Variants in BSDC1 observed in about 807,000 individuals in gnomAD.
BSDC1 encodes BSD domain containing 1, also known as BSD domain-containing protein 1.
Under a neutral mutation model 56.0 loss-of-function variants are expected in BSDC1, and 29 were observed. That is an observed-to-expected ratio of 0.52 (90% CI 0.39 to 0.71). The LOEUF (loss-of-function observed/expected upper bound fraction) is 0.71. Ranked by LOEUF, BSDC1 falls within the 30% of genes least tolerant of loss-of-function variation. The pLI, the probability that BSDC1 is intolerant of heterozygous loss-of-function variation, is 0.00. For synonymous variants in BSDC1, 210 were observed against 215.3 expected (o/e 0.98, Z 0.21); for missense variants, 477 against 548.5 (o/e 0.87, Z 1.30).
chr1:32,377,868 C>A, intron 8 of BSDC1, 102 bp downstream of exon 8: 1 of 1,146,666 alleles, frequency 8.7e-7, no homozygotes, highest in East Asian at 2.4e-5. Context: ...CCTACTCTTC[C>A]CTGATGGGCA....
intron 5 of BSDC1, among the ~76,000 whole-genome samples, chr1:32,380,595 G>A (rs1358166604): frequency 6.6e-6 from 1 of 152,118 alleles, no homozygotes; most frequent in Non-Finnish European, 1.5e-5. Flanking sequence ...GCAGTGAGCC[G>A]AGATCGCGCC....
chr1:32,384,022 G>C, intron 3 of BSDC1, 25 bp from the exon 4 acceptor site: 2 of 1,612,920 alleles, frequency 1.2e-6, no homozygotes, highest in Non-Finnish European at 8.5e-7. Context: ...GGCAGAGGAA[G>C]CAAGCGCCCC....
At chr1:32,369,625 G>C (rs1284150615) in intron 9 of BSDC1, among the ~76,000 whole-genome samples, 1 of 152,150 alleles carries the variant, frequency 6.6e-6, no homozygotes, top group Non-Finnish European at 1.5e-5. Context: ...TCCCAACTTA[G>C]GGCTTTTGCA....
chr1:32,376,222 G>T, intron 9 of BSDC1, 40 bp downstream of exon 9: 1 of 1,425,038 alleles, frequency 7.0e-7, no homozygotes, highest in South Asian at 1.8e-5. Flanking sequence ...AGGTGGCCCT[G>T]ACCGCACACA....
intron 9 of BSDC1, among the ~76,000 whole-genome samples, chr1:32,369,909 C>T (rs963111389): frequency 3.3e-5 from 5 of 152,236 alleles, no homozygotes; most frequent in Non-Finnish European, 7.3e-5. Flanking sequence ...TCTCTTGCCT[C>T]AGCCTCCTGA....
intron 4 of BSDC1, 73 bp downstream of exon 4, chr1:32,383,757 G>T (rs1354653758): frequency 6.9e-7 from 1 of 1,446,728 alleles, no homozygotes; most frequent in Non-Finnish European, 9.6e-7. Context: ...GGCTGCTTTT[G>T]TGAGTACAGG....
intron 2 of BSDC1, among the ~76,000 whole-genome samples, chr1:32,393,275 T>C (rs1028537580): frequency 3.3e-5 from 5 of 152,196 alleles, no homozygotes; most frequent in African/African-American, 1.2e-4. Flanking sequence ...CAGCCAAATA[T>C]CACTCATCCC....
intron 8 of BSDC1, among the ~76,000 whole-genome samples, chr1:32,377,607 A>G (rs1462992506): frequency 1.3e-5 from 2 of 152,222 alleles, no homozygotes; most frequent in Non-Finnish European, 1.5e-5. Flanking sequence ...CCTGGGCATT[A>G]ATATTACCAG....
intron 10 of BSDC1, chr1:32,367,711 G>GAGAGGTAGTGAAGAA (rs1641903402): frequency 2.0e-6 from 2 of 978,516 alleles, no homozygotes; most frequent in Admixed American, 1.2e-4. Context: ...AAGAATAACA[G>GAGAGGTAGTGAAGAA]TACTAAGGCC....
chr1:32,390,836 AG>A (rs1642842281), intron 2 of BSDC1, among the ~76,000 whole-genome samples: 1 of 152,112 alleles, frequency 6.6e-6, no homozygotes, highest in Non-Finnish European at 1.5e-5. Context: ...GCTTGAATCC[AG>A]GAAGTGGAGG....
chr1:32,393,940 T>TA (rs758746559), intron 2 of BSDC1, 140 bp downstream of exon 2: 23 of 724,328 alleles, frequency 3.2e-5, no homozygotes, highest in Admixed American at 8.0e-5. Context: ...CGTGGACCGG[T>TA]AGAGGCTAAA....
intron 9 of BSDC1, 137 bp from the exon 10 acceptor site, chr1:32,368,687 C>A: frequency 7.9e-7 from 1 of 1,260,660 alleles, no homozygotes; most frequent in Non-Finnish European, 1.1e-6. Context: ...TTCACTCTGG[C>A]GCACCAATCG....
chr1:32,368,770 C>T (rs935869309), intron 9 of BSDC1, among the ~76,000 whole-genome samples: 2 of 152,054 alleles, frequency 1.3e-5, no homozygotes, highest in Non-Finnish European at 2.9e-5. Flanking sequence ...GTGATCCCGG[C>T]CCACTGCAAC....
At chr1:32,376,770 G>A (rs1156693491) in intron 8 of BSDC1, 29 bp from the exon 9 acceptor site, 2 of 1,339,036 alleles carry the variant, frequency 1.5e-6, no homozygotes, top group African/African-American at 1.5e-5. Context: ...AGGGGCAAGA[G>A]GGAAATGTAA....
intron 3 of BSDC1, 41 bp from the exon 4 acceptor site, chr1:32,384,038 C>G (rs770626566): frequency 1.9e-6 from 3 of 1,612,370 alleles, no homozygotes; most frequent in Non-Finnish European, 1.7e-6. Context: ...GCCCCGGGAA[C>G]AGGCTGCAAT....
intron 2 of BSDC1, 54 bp from the exon 3 acceptor site, chr1:32,386,949 T>G: frequency 7.1e-7 from 1 of 1,401,538 alleles, no homozygotes; most frequent in Middle Eastern, 2.5e-4. Flanking sequence ...CACCCCTTGT[T>G]CCTGTTCCCT....
chr1:32,375,351 C>A (rs1369578134), intron 9 of BSDC1, among the ~76,000 whole-genome samples: 1 of 151,176 alleles, frequency 6.6e-6, no homozygotes, highest in East Asian at 1.9e-4. Flanking sequence ...ACCTGCTGGG[C>A]AAGCTTTGTG....
At chr1:32,384,406 T>A (rs1051114922) in intron 3 of BSDC1, among the ~76,000 whole-genome samples, 7 of 152,174 alleles carry the variant, frequency 4.6e-5, no homozygotes, top group African/African-American at 1.7e-4. Context: ...CACTTGTTGG[T>A]CATGAGACCG....
At chr1:32,371,231 C>A (rs1010565289) in intron 9 of BSDC1, among the ~76,000 whole-genome samples, 1 of 151,316 alleles carries the variant, frequency 6.6e-6, no homozygotes, top group African/African-American at 2.4e-5. Flanking sequence ...GCAAAGTTAT[C>A]TCTAGGTGAT....
Sources: allele counts gnomAD v4.1 joint callset (sites outside exome capture counted in the v4.1 genomes callset), GRCh38; gene constraint gnomAD v4.1.1; transcripts MANE v1.5; gene names NCBI Gene and HGNC (gene_info 2026-07-23, HGNC 2026-07-21).